Variants in LARGE1 observed in about 807,000 individuals in gnomAD.
LARGE1 encodes the protein LARGE xylosyl- and glucuronyltransferase 1.
In LARGE1, 43 loss-of-function variants were observed where a neutral mutation model predicts 87.6. The ratio of observed to expected loss-of-function variants is 0.49; its 90% CI spans 0.38 to 0.63. The LOEUF (loss-of-function observed/expected upper bound fraction) is 0.63. Among genes scored for constraint, LARGE1 ranks in the 30% least tolerant of loss-of-function variants. LARGE1 has a pLI of 0.00. For missense variants in LARGE1, 802 were observed against 1,000.2 expected (o/e 0.80, Z 2.67); for synonymous variants, 434 against 394.6 (o/e 1.10, Z -1.18).
chr22:33,226,839 C>G (rs376130804), intron 11 of LARGE1, among the ~76,000 whole-genome samples: 3 of 152,034 alleles, frequency 2.0e-5, no homozygotes, highest in African/African-American at 7.2e-5. Context: ...ACGCCATTCT[C>G]CTGCCTCAGC....
chr22:33,238,932 G>A (rs756457979), intron 11 of LARGE1, among the ~76,000 whole-genome samples: 1 of 151,572 alleles, frequency 6.6e-6, no homozygotes, highest in Admixed American at 6.6e-5. Flanking sequence ...AGAAATAACA[G>A]ATTAAATCCA....
At chr22:33,757,082 G>A (rs1245099089) in intron 2 of LARGE1, among the ~76,000 whole-genome samples, 1 of 152,196 alleles carries the variant, frequency 6.6e-6, no homozygotes, top group East Asian at 1.9e-4. Flanking sequence ...AACACCACCT[G>A]ATGAGCGTCC....
At chr22:33,167,414 G>C (rs985029332) in intron 11 of LARGE1, among the ~76,000 whole-genome samples, 6 of 152,134 alleles carry the variant, frequency 3.9e-5, no homozygotes, top group Non-Finnish European at 5.9e-5. Flanking sequence ...TTTTGCATTC[G>C]ATGAACAGTG....
the LARGE1 span, among the ~76,000 whole-genome samples, chr22:33,129,397 A>G: frequency 6.6e-6 from 1 of 152,208 alleles, no homozygotes; most frequent in Non-Finnish European, 1.5e-5. Context: ...AAAATACAAA[A>G]GGATATGAAA....
intron 11 of LARGE1, among the ~76,000 whole-genome samples, chr22:33,247,666 A>G (rs1926827833): frequency 6.6e-6 from 1 of 152,238 alleles, no homozygotes; most frequent in African/African-American, 2.4e-5. Context: ...TTTTTGCGTC[A>G]ATGTTTCATT....
chr22:33,786,542 T>C (rs1048258051), intron 1 of LARGE1, among the ~76,000 whole-genome samples: 1 of 152,090 alleles, frequency 6.6e-6, no homozygotes, highest in Non-Finnish European at 1.5e-5. Flanking sequence ...CAGAAGGAGG[T>C]TGGGGACCTC....
intron 3 of LARGE1, among the ~76,000 whole-genome samples, chr22:33,640,249 G>A (rs192201673): frequency 3.9e-5 from 6 of 152,278 alleles, no homozygotes; most frequent in Admixed American, 3.9e-4. Flanking sequence ...GAAGTGCACT[G>A]CTCATGGGTA....
At chr22:33,681,354 C>A (rs1214794092) in intron 2 of LARGE1, among the ~76,000 whole-genome samples, 1 of 152,162 alleles carries the variant, frequency 6.6e-6, no homozygotes, top group Non-Finnish European at 1.5e-5. Context: ...TTGTTAGGAG[C>A]AAGGAGTCAA....
intron 1 of LARGE1, among the ~76,000 whole-genome samples, chr22:33,843,189 T>C (rs1304150845): frequency 1.3e-5 from 2 of 152,128 alleles, no homozygotes; most frequent in East Asian, 3.9e-4. Context: ...CCCACCGCCC[T>C]GTGCGTGTGA....
downstream of LARGE1, among the ~76,000 whole-genome samples, chr22:33,267,712 G>T (rs1928028529): frequency 6.6e-6 from 1 of 151,300 alleles, no homozygotes; most frequent in African/African-American, 2.5e-5. Context: ...TGCACATAAA[G>T]AGGCCTCTAT....
At chr22:33,739,486 A>G (rs239331) in intron 2 of LARGE1, among the ~76,000 whole-genome samples, 89,840 of 152,128 alleles carry the variant, frequency 0.59, 27,908 homozygotes, top group African/African-American at 0.78. Flanking sequence ...CCCTGCAGCC[A>G]CGCAAGACAA....
At chr22:33,262,099 C>T (rs735437) in intron 11 of LARGE1, among the ~76,000 whole-genome samples, 10,758 of 152,244 alleles carry the variant, frequency 0.071, 1,093 homozygotes, top group African/African-American at 0.23. Context: ...TTGATCTCCA[C>T]GAAAGCCTTA....
rs140642331 is a variant in LARGE1 at position 33,355,099 on chromosome 22, C to T, written c.1132-17298G>A. Among the ~76,000 whole-genome samples, 546 of 152,140 alleles carry T rather than the reference C, an allele frequency of 3.6e-3. 6 individuals carry two copies. The highest frequency in any genetic ancestry group is 0.024 in the Middle Eastern group (7 of 294). ...ATAAGAAGTATTTTAGTACTGTGAC[C>T]CATAGTTTAAATTCCAAGCTCCTTA... On this transcript the variant is annotated intron_variant, in intron 9 of 14. Coordinates refer to ENST00000397394, the MANE Select transcript of LARGE1 (RefSeq NM_133642.5).
intron 4 of LARGE1, among the ~76,000 whole-genome samples, chr22:33,606,309 G>A (rs1389306450): frequency 6.6e-6 from 1 of 152,022 alleles, no homozygotes; most frequent in Admixed American, 6.6e-5. Context: ...GGAGGCTGAG[G>A]CAGGAAAATT....
the LARGE1 span, among the ~76,000 whole-genome samples, chr22:33,104,941 TTCTTTCTCTTTCTC>T: frequency 2.9e-5 from 4 of 135,680 alleles, no homozygotes; most frequent in South Asian, 2.4e-4. Context: ...CTTTCTTTCT[TTCTTTCTCTTTCTC>T]TCTTTCTCTC....
At chr22:33,545,673 A>C (rs1370678929) in intron 6 of LARGE1, among the ~76,000 whole-genome samples, 1 of 152,118 alleles carries the variant, frequency 6.6e-6, no homozygotes, top group Admixed American at 6.5e-5. Flanking sequence ...TTCTTACCTC[A>C]AGTGATCTGT....
At chr22:33,375,235 T>C (rs912814831) in intron 9 of LARGE1, among the ~76,000 whole-genome samples, 2 of 152,240 alleles carry the variant, frequency 1.3e-5, no homozygotes, top group Non-Finnish European at 2.9e-5. Context: ...TAGTGCACAA[T>C]GATTTGGTAA....
At chr22:33,559,102 T>C (rs1465266014) in intron 6 of LARGE1, among the ~76,000 whole-genome samples, 6 of 152,244 alleles carry the variant, frequency 3.9e-5, no homozygotes, top group Admixed American at 2.0e-4. Flanking sequence ...AATTTATTGC[T>C]TGCAGTTCTA....
At chr22:33,630,104 C>G (rs1200350725) in intron 3 of LARGE1, among the ~76,000 whole-genome samples, 1 of 152,098 alleles carries the variant, frequency 6.6e-6, no homozygotes, top group Admixed American at 6.6e-5. Context: ...GAGGCTGAGG[C>G]AGGAGAATCG....
Sources: allele counts gnomAD v4.1 joint callset (sites outside exome capture counted in the v4.1 genomes callset), GRCh38; gene constraint gnomAD v4.1.1; transcripts MANE v1.5; gene names NCBI Gene and HGNC (gene_info 2026-07-23, HGNC 2026-07-21).